RUNDC3B: variants seen among roughly 807,000 people sequenced by gnomAD.
RUNDC3B encodes RUN domain containing 3B, also known as RUN domain-containing protein 3B.
RUNDC3B carries 33 observed loss-of-function variants against 58.4 expected under a neutral mutation model. The ratio of observed to expected loss-of-function variants is 0.56; its 90% confidence interval spans 0.43 to 0.75. The LOEUF (loss-of-function observed/expected upper bound fraction) is 0.75. Ranked by LOEUF, RUNDC3B falls within the 30% of genes least tolerant of loss-of-function variation. The pLI, the probability that RUNDC3B is intolerant of heterozygous loss-of-function variation, is 0.00. For synonymous variants in RUNDC3B, 193 were observed against 195.2 expected (o/e 0.99, Z 0.10); for missense variants, 501 against 535.7 (o/e 0.94, Z 0.64).
At chr7:87,811,402 C>T (rs1036463440) in intron 9 of RUNDC3B, among the ~76,000 whole-genome samples, 1 of 151,478 alleles carries the variant, frequency 6.6e-6, no homozygotes, top group African/African-American at 2.4e-5. Flanking sequence ...GGCACGATCT[C>T]GGCTCACCAC....
intron 8 of RUNDC3B, among the ~76,000 whole-genome samples, chr7:87,803,692 A>G (rs10487000): frequency 0.048 from 7,345 of 152,222 alleles, 259 homozygotes; most frequent in East Asian, 0.091. Flanking sequence ...TTGCTTCTTC[A>G]CGTATTTTAA....
At chr7:87,712,409 G>GT (rs1354032118) in intron 4 of RUNDC3B, among the ~76,000 whole-genome samples, 1 of 151,960 alleles carries the variant, frequency 6.6e-6, no homozygotes, top group African/African-American at 2.4e-5. Flanking sequence ...ACAAAGAATC[G>GT]TATCAGAATC....
chr7:87,699,046 G>A (rs563031278), intron 2 of RUNDC3B, among the ~76,000 whole-genome samples: 1 of 152,192 alleles, frequency 6.6e-6, no homozygotes, highest in East Asian at 1.9e-4. Flanking sequence ...GGCTAGACAT[G>A]AGTATTTTTT....
At chr7:87,658,206 C>T (rs1824315207) in intron 2 of RUNDC3B, among the ~76,000 whole-genome samples, 1 of 151,866 alleles carries the variant, frequency 6.6e-6, no homozygotes, top group African/African-American at 2.4e-5. Flanking sequence ...ATGGAAGATA[C>T]AAAGAAGACC....
At chr7:87,638,300 C>T (rs1454966518) in intron 1 of RUNDC3B, among the ~76,000 whole-genome samples, 1 of 150,724 alleles carries the variant, frequency 6.6e-6, no homozygotes, top group Non-Finnish European at 1.5e-5. Context: ...CTGGTTTTGT[C>T]ATTAAGATTA....
chr7:87,739,750 T>A, intron 4 of RUNDC3B, 41 bp from the exon 5 acceptor site: 1 of 934,624 alleles, frequency 1.1e-6, no homozygotes, highest in Non-Finnish European at 1.7e-6. Context: ...AACTTCCATT[T>A]ATTTTTAATA....
At chr7:87,768,003 G>T (rs1834064571) in intron 6 of RUNDC3B, among the ~76,000 whole-genome samples, 1 of 152,160 alleles carries the variant, frequency 6.6e-6, no homozygotes, top group South Asian at 2.1e-4. Flanking sequence ...AACTCTGCTG[G>T]CGATCTGTAC....
chr7:87,644,149 G>A (rs977108248), intron 1 of RUNDC3B, among the ~76,000 whole-genome samples: 2 of 152,238 alleles, frequency 1.3e-5, no homozygotes, highest in East Asian at 1.9e-4. Flanking sequence ...GTGAGCCACC[G>A]TGCCCAGACC....
intron 4 of RUNDC3B, among the ~76,000 whole-genome samples, chr7:87,714,339 G>A (rs1830353216): frequency 6.6e-6 from 1 of 152,182 alleles, no homozygotes; most frequent in Non-Finnish European, 1.5e-5. Flanking sequence ...TTATTATTAA[G>A]TTTAGTGAGG....
chr7:87,825,090 C>T (rs779035419), intron 10 of RUNDC3B, among the ~76,000 whole-genome samples: 4 of 152,048 alleles, frequency 2.6e-5, no homozygotes, highest in South Asian at 2.1e-4. Flanking sequence ...GGCATGGTGG[C>T]GGGTGCCTGT....
chr7:87,687,994 A>G (rs1374466216), intron 2 of RUNDC3B, among the ~76,000 whole-genome samples: 5 of 152,186 alleles, frequency 3.3e-5, no homozygotes, highest in Admixed American at 2.0e-4. Flanking sequence ...CTGTAGTAAC[A>G]TATGAACACA....
At chr7:87,813,516 C>A (rs1229256746) in intron 9 of RUNDC3B, among the ~76,000 whole-genome samples, 1 of 151,998 alleles carries the variant, frequency 6.6e-6, no homozygotes, top group African/African-American at 2.4e-5. Context: ...GAAATACTAA[C>A]AAGTTTTCTT....
At chr7:87,740,373 A>G (rs1403267522) in intron 5 of RUNDC3B, among the ~76,000 whole-genome samples, 2 of 152,124 alleles carry the variant, frequency 1.3e-5, no homozygotes, top group Admixed American at 6.5e-5. Context: ...TTTATTGTCA[A>G]CAAGATGAAC....
Position 87,794,773 on chromosome 7 carries a change from A to T in RUNDC3B, c.957-12600A>T, listed in dbSNP as rs561632757. ...TCATAACCAAAAAAGCATGGTATTG[A>T]CATTAAAAAAGTGTAGACCAGTGGA... On this transcript the variant is annotated intron_variant, in intron 8 of 10. Coordinates refer to ENST00000394654, the MANE Select transcript of RUNDC3B (RefSeq NM_001134405.2). 1.3e-5 allele frequency among the ~76,000 whole-genome samples: 2 copies of T among 152,322 alleles called. 1 individual carries two copies. The highest frequency in any genetic ancestry group is 4.8e-5 in the African/African-American group (2 of 41,582).
chr7:87,722,776 G>A (rs1230079479), intron 4 of RUNDC3B, among the ~76,000 whole-genome samples: 1 of 152,138 alleles, frequency 6.6e-6, no homozygotes, highest in African/African-American at 2.4e-5. Context: ...GCAACAAGTA[G>A]GCACAAGCAT....
In RUNDC3B at chr7:87,703,885, C is replaced by CTTTTTTTTTTTTTTTTTTTTTTTTT; in HGVS notation, c.372+3334_372+3358dup. ...CTTAGGTGAGCTTTATCAGTTTTTT[C>CTTTTTTTTTTTTTTTTTTTTTTTTT]TTTTTTTTTTTTTTTTTTTTTTTTT... On this transcript the variant is annotated intron_variant, in intron 3 of 10. Coordinates refer to ENST00000394654, the MANE Select transcript of RUNDC3B (RefSeq NM_001134405.2). 3.3e-4 allele frequency among the ~76,000 whole-genome samples: 20 copies of CTTTTTTTTTTTTTTTTTTTTTTTTT among 60,286 alleles called. 1 individual carries two copies. Among genetic ancestry groups the CTTTTTTTTTTTTTTTTTTTTTTTTT allele is most frequent in the South Asian group, 6.3e-4 (1 of 1,590 alleles). The allele number at this position is 60,286 out of a possible 152,430, so 39.5% of individuals were successfully genotyped here.
intron 1 of RUNDC3B, among the ~76,000 whole-genome samples, chr7:87,635,303 T>A (rs1187323443): frequency 6.6e-6 from 1 of 152,208 alleles, no homozygotes; most frequent in Non-Finnish European, 1.5e-5. Flanking sequence ...GCACTGAAGG[T>A]CATCATAAGA....
chr7:87,649,950 G>A (rs907592802), intron 1 of RUNDC3B, among the ~76,000 whole-genome samples: 42 of 152,222 alleles, frequency 2.8e-4, no homozygotes, highest in African/African-American at 9.9e-4. Flanking sequence ...ATAATTGTGA[G>A]GCCTTCCCAG....
intron 4 of RUNDC3B, among the ~76,000 whole-genome samples, chr7:87,737,444 A>T (rs947219742): frequency 6.6e-6 from 1 of 152,120 alleles, no homozygotes; most frequent in African/African-American, 2.4e-5. Flanking sequence ...TAGTCTAATT[A>T]TTGATATATT....
Sources: allele counts gnomAD v4.1 joint callset (sites outside exome capture counted in the v4.1 genomes callset), GRCh38; gene constraint gnomAD v4.1.1; transcripts MANE v1.5; gene names NCBI Gene and HGNC (gene_info 2026-07-23, HGNC 2026-07-21).